TMEM200A: variants seen among roughly 807,000 people sequenced by gnomAD.
TMEM200A encodes transmembrane protein 200A.
A neutral mutation model predicts 24.3 loss-of-function variants in TMEM200A; 12 were observed. The observed-to-expected ratio is 0.49, with a 90% CI of 0.32 to 0.80. TMEM200A has a LOEUF of 0.80. Among genes scored for constraint, TMEM200A ranks in the 30% least tolerant of loss-of-function variants. The probability of loss-of-function intolerance (pLI) is 0.04; values close to 1 mark genes in which losing one functional copy is unlikely to be tolerated. For missense variants in TMEM200A, 545 were observed against 614.4 expected (o/e 0.89, Z 1.19); for synonymous variants, 224 against 224.4 (o/e 1.00, Z 0.02).
chr6:130,386,706 A>T (rs1219693905), intron 2 of TMEM200A, among the ~76,000 whole-genome samples: 2 of 152,236 alleles, frequency 1.3e-5, no homozygotes, highest in African/African-American at 4.8e-5. Context: ...TCACCAAAAA[A>T]TTCCGACAAA....
intron 2 of TMEM200A, among the ~76,000 whole-genome samples, chr6:130,412,833 C>G (rs1468465740): frequency 6.6e-6 from 1 of 152,184 alleles, no homozygotes; most frequent in Non-Finnish European, 1.5e-5. Context: ...AACCAAGATT[C>G]TGGAACACAT....
chr6:130,407,853 G>A (rs541634898), intron 2 of TMEM200A, among the ~76,000 whole-genome samples: 4 of 152,266 alleles, frequency 2.6e-5, no homozygotes, highest in African/African-American at 9.6e-5. Context: ...AGATTTAAGA[G>A]GCTACATCTC....
At chr6:130,411,416 A>C (rs1779327897) in intron 2 of TMEM200A, among the ~76,000 whole-genome samples, 1 of 152,220 alleles carries the variant, frequency 6.6e-6, no homozygotes, top group South Asian at 2.1e-4. Context: ...TGCATTTCTT[A>C]CAAAGACATT....
chr6:130,435,051 A>G (rs1303632659), intron 2 of TMEM200A, among the ~76,000 whole-genome samples: 3 of 137,286 alleles, frequency 2.2e-5, no homozygotes, highest in Non-Finnish European at 3.0e-5. Context: ...GAGCACTGGG[A>G]ATGAAAAAAA....
intron 2 of TMEM200A, among the ~76,000 whole-genome samples, chr6:130,391,805 C>T (rs371553324): frequency 4.3e-5 from 6 of 139,222 alleles, no homozygotes; most frequent in African/African-American, 1.1e-4. Context: ...TGCAGTGGCA[C>T]GATCTCGGCT....
At chr6:130,421,653 A>T (rs762107914) in intron 2 of TMEM200A, among the ~76,000 whole-genome samples, 1 of 152,006 alleles carries the variant, frequency 6.6e-6, no homozygotes. Flanking sequence ...GAACTTACTC[A>T]TCTTAACGTA....
At chr6:130,378,612 T>C (rs1778521166) in intron 1 of TMEM200A, among the ~76,000 whole-genome samples, 1 of 151,262 alleles carries the variant, frequency 6.6e-6, no homozygotes, top group African/African-American at 2.4e-5. Context: ...TAATCCCAGC[T>C]ACTTGGGAGG....
At chr6:130,439,762 AC>A (rs945878458) in intron 2 of TMEM200A, among the ~76,000 whole-genome samples, 2 of 152,126 alleles carry the variant, frequency 1.3e-5, no homozygotes, top group Non-Finnish European at 2.9e-5. Context: ...ATCATAAAAG[AC>A]TGGGGAAGAG....
intron 2 of TMEM200A, among the ~76,000 whole-genome samples, chr6:130,419,420 C>T (rs1023786196): frequency 2.0e-5 from 3 of 152,056 alleles, no homozygotes; most frequent in Non-Finnish European, 4.4e-5. Context: ...ATTTCTTTTC[C>T]TTTGGATCAA....
chr6:130,365,577 C>A (rs1213795000), upstream of TMEM200A: 8 of 985,252 alleles, frequency 8.1e-6, no homozygotes, highest in African/African-American at 1.7e-5. Context: ...TCGGCTGGAG[C>A]TCCCCAGCCG....
intron 2 of TMEM200A, among the ~76,000 whole-genome samples, chr6:130,429,753 G>A (rs1163933613): frequency 6.6e-6 from 1 of 152,034 alleles, no homozygotes; most frequent in African/African-American, 2.4e-5. Context: ...CATACTGATA[G>A]GTTTAACCAT....
intron 2 of TMEM200A, among the ~76,000 whole-genome samples, chr6:130,412,577 C>G (rs1359568089): frequency 6.6e-6 from 1 of 152,142 alleles, no homozygotes; most frequent in Non-Finnish European, 1.5e-5. Flanking sequence ...CCCTCTTTAC[C>G]CAGCTCAGAC....
chr6:130,426,102 A>G (rs543499051), intron 2 of TMEM200A, among the ~76,000 whole-genome samples: 2 of 152,330 alleles, frequency 1.3e-5, no homozygotes, highest in South Asian at 2.1e-4. Context: ...AATAAGCCCC[A>G]GGGATTGTAA....
intron 1 of TMEM200A, among the ~76,000 whole-genome samples, chr6:130,375,035 A>G (rs1376568026): frequency 6.6e-6 from 1 of 152,200 alleles, no homozygotes; most frequent in African/African-American, 2.4e-5. Flanking sequence ...ATTTTTCCAC[A>G]ACTATTATAT....
chr6:130,425,688 T>G (rs981767844), intron 2 of TMEM200A, among the ~76,000 whole-genome samples: 6 of 152,198 alleles, frequency 3.9e-5, no homozygotes, highest in Admixed American at 6.6e-5. Context: ...AACAGCCACT[T>G]ACATACCAAT....
At chr6:130,384,347 G>A (rs561997549) in intron 1 of TMEM200A, among the ~76,000 whole-genome samples, 32 of 152,140 alleles carry the variant, frequency 2.1e-4, no homozygotes, top group African/African-American at 7.2e-4. Context: ...TTATTTAAAG[G>A]TTTGCCCAGG....
chr6:130,425,077 C>T (rs1779698171), intron 2 of TMEM200A, among the ~76,000 whole-genome samples: 1 of 152,074 alleles, frequency 6.6e-6, no homozygotes, highest in South Asian at 2.1e-4. Context: ...ATCCTTGTGC[C>T]TAGTAATACT....
chr6:130,387,711 A>G (rs1278463499), intron 2 of TMEM200A, among the ~76,000 whole-genome samples: 1 of 152,192 alleles, frequency 6.6e-6, no homozygotes, highest in African/African-American at 2.4e-5. Flanking sequence ...AGGGAATTCT[A>G]GATTGAAATT....
chr6:130,396,396 T>C (rs576383465), intron 2 of TMEM200A, among the ~76,000 whole-genome samples: 1 of 151,702 alleles, frequency 6.6e-6, no homozygotes, highest in African/African-American at 2.4e-5. Context: ...AAGAATATTT[T>C]CAATTGGTGA....
Sources: gnomAD v4.1 joint callset for allele counts (sites outside exome capture counted in the v4.1 genomes callset) on GRCh38, gnomAD v4.1.1 for gene constraint, MANE v1.5 for transcripts, NCBI Gene and HGNC (gene_info 2026-07-23, HGNC 2026-07-21) for gene names.